NRG3: variants seen among roughly 807,000 people sequenced by gnomAD.
NRG3 encodes the protein neuregulin 3.
Under a neutral mutation model 66.9 loss-of-function variants are expected in NRG3, and 31 were observed. The observed-to-expected ratio is 0.46, with a 90% CI of 0.35 to 0.63. The LOEUF is 0.63. Among genes scored for constraint, NRG3 ranks in the 20% least tolerant of loss-of-function variants. The pLI, the probability that NRG3 is intolerant of heterozygous loss-of-function variation, is 0.00. For synonymous variants in NRG3, 393 were observed against 359.4 expected (o/e 1.09, Z -1.06); for missense variants, 910 against 878.9 (o/e 1.04, Z -0.45).
chr10:82,880,761 A>G (rs1345572207), intron 4 of NRG3, among the ~76,000 whole-genome samples: 1 of 152,230 alleles, frequency 6.6e-6, no homozygotes, highest in East Asian at 1.9e-4. Context: ...TCAGAGATGT[A>G]ACAAATACTT....
At chr10:81,991,964 A>T (rs1227838928) in intron 1 of NRG3, among the ~76,000 whole-genome samples, 2 of 152,108 alleles carry the variant, frequency 1.3e-5, no homozygotes, top group Non-Finnish European at 2.9e-5. Context: ...CTGAGATTAG[A>T]TTGAGACAAA....
intron 3 of NRG3, among the ~76,000 whole-genome samples, chr10:82,832,223 G>A (rs1264113833): frequency 3.3e-5 from 5 of 152,126 alleles, no homozygotes; most frequent in Non-Finnish European, 5.9e-5. Flanking sequence ...CAGATGCTGT[G>A]ACCGTCCTTT....
intron 5 of NRG3, among the ~76,000 whole-genome samples, chr10:82,956,391 G>A (rs1850053747): frequency 6.6e-6 from 1 of 151,846 alleles, no homozygotes; most frequent in Non-Finnish European, 1.5e-5. Flanking sequence ...CCCATTTTCT[G>A]GGTGAAGGAA....
intron 1 of NRG3, among the ~76,000 whole-genome samples, chr10:82,249,366 AT>A (rs1413068396): frequency 2.0e-5 from 3 of 151,972 alleles, no homozygotes; most frequent in Admixed American, 1.3e-4. Flanking sequence ...AAGCAGACTC[AT>A]TTGCACCGGC....
At chr10:82,552,098 A>C (rs888782563) in intron 2 of NRG3, among the ~76,000 whole-genome samples, 1 of 152,108 alleles carries the variant, frequency 6.6e-6, no homozygotes, top group Non-Finnish European at 1.5e-5. Context: ...GCTTTTCTTC[A>C]ACAGGTGCAA....
At chr10:82,098,054 TACACACACACAC>T (rs61481796) in intron 1 of NRG3, among the ~76,000 whole-genome samples, 5 of 146,712 alleles carry the variant, frequency 3.4e-5, no homozygotes, top group South Asian at 2.2e-4. Context: ...GCCACATATA[TACACACACACAC>T]ACACACACAC....
intron 1 of NRG3, among the ~76,000 whole-genome samples, chr10:82,055,901 C>T (rs2063824439): frequency 6.6e-6 from 1 of 152,130 alleles, no homozygotes; most frequent in African/African-American, 2.4e-5. Flanking sequence ...TGTGAGTTCC[C>T]TTTGAATTTC....
At chr10:82,169,821 T>C (rs922095039) in intron 1 of NRG3, among the ~76,000 whole-genome samples, 1 of 151,890 alleles carries the variant, frequency 6.6e-6, no homozygotes, top group Non-Finnish European at 1.5e-5. Flanking sequence ...TATTCTGTTT[T>C]TTCTGAGTCT....
chr10:82,189,785 T>C (rs754370243), intron 1 of NRG3, among the ~76,000 whole-genome samples: 39 of 148,894 alleles, frequency 2.6e-4, no homozygotes, highest in Non-Finnish European at 5.2e-4. Context: ...GCAAGACTTT[T>C]CTCCATAAAA....
At chr10:82,146,498 A>G (rs1590290226) in intron 1 of NRG3, among the ~76,000 whole-genome samples, 1 of 152,124 alleles carries the variant, frequency 6.6e-6, no homozygotes, top group African/African-American at 2.4e-5. Flanking sequence ...TTTGTGTACA[A>G]TCTGGGTAAC....
chr10:82,717,617 G>A (rs1019022317), intron 2 of NRG3, among the ~76,000 whole-genome samples: 13 of 151,808 alleles, frequency 8.6e-5, no homozygotes, highest in South Asian at 4.2e-4. Context: ...GTAGTAGATC[G>A]GGGTCTTGAT....
intron 3 of NRG3, among the ~76,000 whole-genome samples, chr10:82,827,725 A>G (rs2062307542): frequency 6.6e-6 from 1 of 152,200 alleles, no homozygotes; most frequent in South Asian, 2.1e-4. Context: ...CGAAGCAGAG[A>G]TATAATAGGT....
intron 1 of NRG3, among the ~76,000 whole-genome samples, chr10:82,252,702 G>GATTT (rs1449451906): frequency 6.6e-6 from 1 of 152,170 alleles, no homozygotes; most frequent in Admixed American, 6.5e-5. Flanking sequence ...TTTTCCTTAA[G>GATTT]ATTTATCTGT....
In NRG3 at chr10:82,189,983, C is replaced by CAA. The variant is rs397701310; in HGVS notation, c.824-168749_824-168748dup. On this transcript the variant is annotated intron_variant, in intron 1 of 8. Coordinates refer to ENST00000372141, the MANE Select transcript of NRG3 (RefSeq NM_001010848.4). ...GCCTGAAAATAAAAAAACAAACAAACAAAAAAAACAGAGAAATTTTGAACA... is the reference window on the plus strand; with the variant it reads ...GCCTGAAAATAAAAAAACAAACAAACAAAAAAAAAACAGAGAAATTTTGAACA... Among the ~76,000 whole-genome samples, 779 of 150,618 alleles carry CAA rather than the reference C, an allele frequency of 5.2e-3. 1 individual carries two copies. Among genetic ancestry groups the CAA allele is most frequent in the Non-Finnish European group, 8.2e-3 (552 of 67,338 alleles).
chr10:82,922,640 A>G (rs1015403599), intron 4 of NRG3, among the ~76,000 whole-genome samples: 3 of 152,216 alleles, frequency 2.0e-5, no homozygotes, highest in East Asian at 3.9e-4. Context: ...GGAGGATGCC[A>G]TCATAGAAAC....
At chr10:82,051,199 A>G (rs965642186) in intron 1 of NRG3, among the ~76,000 whole-genome samples, 4 of 152,170 alleles carry the variant, frequency 2.6e-5, no homozygotes, top group African/African-American at 7.2e-5. Context: ...TACAGATAAA[A>G]GGACATTAAT....
chr10:82,714,239 A>C (rs1032978810), intron 2 of NRG3, among the ~76,000 whole-genome samples: 1 of 152,090 alleles, frequency 6.6e-6, no homozygotes, highest in Non-Finnish European at 1.5e-5. Flanking sequence ...GGTGCTGAGA[A>C]CACTTTATAT....
At chr10:82,183,678 G>A (rs973062904) in intron 1 of NRG3, among the ~76,000 whole-genome samples, 1 of 152,030 alleles carries the variant, frequency 6.6e-6, no homozygotes, top group Non-Finnish European at 1.5e-5. Flanking sequence ...CCCCTCAGAG[G>A]TATTTGGCAA....
intron 1 of NRG3, among the ~76,000 whole-genome samples, chr10:82,072,159 T>G (rs1223026405): frequency 6.6e-6 from 1 of 152,218 alleles, no homozygotes; most frequent in African/African-American, 2.4e-5. Context: ...GCATATGATA[T>G]AAAACTGCAC....
Sources: gnomAD v4.1 joint callset for allele counts (sites outside exome capture counted in the v4.1 genomes callset) on GRCh38, gnomAD v4.1.1 for gene constraint, MANE v1.5 for transcripts, NCBI Gene and HGNC (gene_info 2026-07-23, HGNC 2026-07-21) for gene names.